Variants in MGAT4D observed in about 807,000 individuals in gnomAD.
The protein encoded by MGAT4D is MGAT4 family member D.
Under a neutral mutation model 15.9 loss-of-function variants are expected in MGAT4D, and 34 were observed. The ratio of observed to expected loss-of-function variants is 2.14; its 90% CI spans 1.62 to 2.84. The LOEUF (loss-of-function observed/expected upper bound fraction) is 2.84. Among genes scored for constraint, MGAT4D ranks in the 30% most tolerant of loss-of-function variants. MGAT4D has a pLI of 0.00. For synonymous variants in MGAT4D, 112 were observed against 48.2 expected (o/e 2.33, Z -5.49); for missense variants, 327 against 140.2 (o/e 2.33, Z -6.73).
intron 3 of MGAT4D, among the ~76,000 whole-genome samples, chr4:140,476,202 A>T (rs1189981894): frequency 6.6e-6 from 1 of 152,024 alleles, no homozygotes; most frequent in African/African-American, 2.4e-5. Context: ...TTTCTTATTG[A>T]TTGTATTGAT....
chr4:140,449,783 G>A (rs1480256676), intron 10 of MGAT4D, among the ~76,000 whole-genome samples: 3 of 151,830 alleles, frequency 2.0e-5, no homozygotes, highest in African/African-American at 7.3e-5. Flanking sequence ...TTTATCATAA[G>A]GGTAAAACAA....
chr4:140,462,185 C>A (rs1731231690), intron 6 of MGAT4D, among the ~76,000 whole-genome samples, 181 bp from the exon 7 acceptor site: 1 of 152,034 alleles, frequency 6.6e-6, no homozygotes, highest in Non-Finnish European at 1.5e-5. Context: ...AAAAAGTTTT[C>A]CATCTTTATT....
At chr4:140,446,301 G>C (rs1489211617) in intron 10 of MGAT4D, among the ~76,000 whole-genome samples, 2 of 152,056 alleles carry the variant, frequency 1.3e-5, no homozygotes, top group African/African-American at 4.8e-5. Context: ...CTGGTCCTGG[G>C]CTTTTTTGGT....
chr4:140,482,478 T>A lies in MGAT4D; in HGVS notation c.102A>T (p.Gln34His), dbSNP rs1272602904. ...SIYRITQTNN[Q>H]LINCRNHILE... ...AAATATGGTTTCTACAGTTAATTAA[T>A]TGATTATCTGCAATGAAAACATATG... Residue 34 changes from glutamine (Q) to histidine (H), a missense_variant, in exon 2 of 11, where the codon CAA (glutamine) becomes CAT (histidine). By Grantham distance (24) the Gln-to-His change is conservative (BLOSUM62 0). Coordinates refer to ENST00000511113, the MANE Select transcript of MGAT4D (RefSeq NM_001277353.2). 4.7e-6 allele frequency: 3 copies of A among 633,952 alleles called. No homozygotes were observed. In the African/African-American group the frequency reaches 5.6e-5, roughly 12 times the overall value. 39.3% of individuals were successfully genotyped at this position (633,952 alleles called of 1,614,324 possible).
In MGAT4D at chr4:140,456,725, GA is replaced by G; in HGVS notation, c.878-7del. On this transcript the variant is annotated splice_region_variant and splice_polypyrimidine_tract_variant and intron_variant, in intron 8 of 10. Coordinates refer to ENST00000511113, the MANE Select transcript of MGAT4D (RefSeq NM_001277353.2). ...CTCAGATCTAAACAGCTTTCCTATGGAAAAAAATACAATTAGATGCAAATAA... is the reference window on the plus strand; with the variant it reads ...CTCAGATCTAAACAGCTTTCCTATGGAAAAAATACAATTAGATGCAAATAA... 1.4e-5 allele frequency: 9 copies of G among 637,436 alleles called. No individual in the cohort carries two copies. The highest frequency in any genetic ancestry group is 5.1e-5 in the Admixed American group (2 of 38,910). The allele number at this position is 637,436 out of a possible 1,614,324, so 39.5% of individuals were successfully genotyped here.
chr4:140,479,198 C>T (rs1016880344), intron 3 of MGAT4D, among the ~76,000 whole-genome samples: 3 of 152,084 alleles, frequency 2.0e-5, no homozygotes, highest in African/African-American at 7.2e-5. Context: ...CCAAAAACAA[C>T]GAGAAAAGAT....
At chr4:140,488,312 G>T (rs1426256888) in intron 1 of MGAT4D, among the ~76,000 whole-genome samples, 1 of 152,114 alleles carries the variant, frequency 6.6e-6, no homozygotes, top group East Asian at 1.9e-4. Context: ...TTAAATACTT[G>T]CCATGTGCTA....
chr4:140,444,154 T>C (rs950455266), intron 10 of MGAT4D, among the ~76,000 whole-genome samples: 1 of 152,174 alleles, frequency 6.6e-6, no homozygotes, highest in Admixed American at 6.6e-5. Context: ...TGTACTAATA[T>C]ATCATCCTTT....
At chr4:140,478,563 T>C (rs1366261437) in intron 3 of MGAT4D, among the ~76,000 whole-genome samples, 1 of 152,158 alleles carries the variant, frequency 6.6e-6, no homozygotes, top group Non-Finnish European at 1.5e-5. Context: ...TAAGCCTCAG[T>C]TTTTTCAGGT....
At chr4:140,485,991 A>G (rs1359114984) in intron 1 of MGAT4D, among the ~76,000 whole-genome samples, 1 of 152,008 alleles carries the variant, frequency 6.6e-6, no homozygotes, top group Non-Finnish European at 1.5e-5. Flanking sequence ...AATATTTCTC[A>G]TCACACTTAG....
chr4:140,484,094 C>T (rs916755877), intron 1 of MGAT4D, among the ~76,000 whole-genome samples: 1 of 152,050 alleles, frequency 6.6e-6, no homozygotes, highest in African/African-American at 2.4e-5. Flanking sequence ...GAAAATATTT[C>T]AACCCAAGAG....
intron 7 of MGAT4D, among the ~76,000 whole-genome samples, chr4:140,460,775 C>T (rs181538833): frequency 5.3e-5 from 8 of 152,132 alleles, no homozygotes; most frequent in East Asian, 3.9e-4. Flanking sequence ...CCAACCTGGG[C>T]GATAGAGCAA....
intron 6 of MGAT4D, among the ~76,000 whole-genome samples, chr4:140,464,356 A>G (rs1237600965): frequency 6.6e-6 from 1 of 152,210 alleles, no homozygotes; most frequent in African/African-American, 2.4e-5. Flanking sequence ...TAATTTTTTA[A>G]GATTCTTTCA....
intron 5 of MGAT4D, among the ~76,000 whole-genome samples, chr4:140,469,122 A>G (rs1204704921): frequency 6.6e-6 from 1 of 152,174 alleles, no homozygotes; most frequent in Non-Finnish European, 1.5e-5. Context: ...TTTTCTTCCT[A>G]TCAGTTGAAC....
At chr4:140,449,013 C>G (rs1286335514) in intron 10 of MGAT4D, among the ~76,000 whole-genome samples, 2 of 152,216 alleles carry the variant, frequency 1.3e-5, no homozygotes, top group Non-Finnish European at 2.9e-5. Flanking sequence ...TGTATTTTAT[C>G]TGGCAACCCT....
intron 1 of MGAT4D, among the ~76,000 whole-genome samples, chr4:140,490,950 T>C (rs1733463469): frequency 1.3e-5 from 2 of 152,238 alleles, no homozygotes; most frequent in Admixed American, 1.3e-4. Context: ...TATTGTACTA[T>C]TATTTTAGTG....
At chr4:140,446,984 G>T (rs1730177262) in intron 10 of MGAT4D, among the ~76,000 whole-genome samples, 2 of 151,628 alleles carry the variant, frequency 1.3e-5, no homozygotes, top group Non-Finnish European at 2.9e-5. Context: ...TCAGGAGCAG[G>T]TTGTTTAATT....
At chr4:140,488,568 A>G (rs972834561) in intron 1 of MGAT4D, among the ~76,000 whole-genome samples, 3 of 152,224 alleles carry the variant, frequency 2.0e-5, no homozygotes, top group Non-Finnish European at 4.4e-5. Context: ...AGAAGGTTTC[A>G]GAGAAGAAGG....
intron 5 of MGAT4D, 85 bp from the exon 6 acceptor site, chr4:140,465,094 C>T (rs1731445078): frequency 3.3e-6 from 2 of 601,100 alleles, no homozygotes; most frequent in African/African-American, 1.8e-5. Context: ...TTTTCTTATG[C>T]ATGGCCACAT....
Sources: gnomAD v4.1 joint callset for allele counts (sites outside exome capture counted in the v4.1 genomes callset) on GRCh38, gnomAD v4.1.1 for gene constraint, MANE v1.5 for transcripts, NCBI Gene and HGNC (gene_info 2026-07-23, HGNC 2026-07-21) for gene names.